Variants in PLCB4 observed in about 807,000 individuals in gnomAD.
PLCB4 encodes the protein phospholipase C beta 4.
Under a neutral mutation model 178.8 loss-of-function variants are expected in PLCB4, and 77 were observed. The ratio of observed to expected loss-of-function variants is 0.43; its 90% CI spans 0.36 to 0.52. PLCB4 has a LOEUF of 0.52. Ranked by LOEUF, PLCB4 falls within the 20% of genes least tolerant of loss-of-function variation. The probability of loss-of-function intolerance (pLI) is 0.00; values close to 1 mark genes in which losing one functional copy is unlikely to be tolerated. For missense variants in PLCB4, 1,024 were observed against 1,453.4 expected (o/e 0.70, Z 4.80); for synonymous variants, 496 against 490.8 (o/e 1.01, Z -0.14).
intron 3 of PLCB4, among the ~76,000 whole-genome samples, chr20:9,237,400 C>T (rs1341289078): frequency 6.6e-6 from 1 of 151,982 alleles, no homozygotes; most frequent in Non-Finnish European, 1.5e-5. Context: ...TAGATTAAAG[C>T]AGCAATGGCC....
At chr20:9,157,912 A>G (rs1377805655) in intron 2 of PLCB4, among the ~76,000 whole-genome samples, 1 of 152,200 alleles carries the variant, frequency 6.6e-6, no homozygotes, top group Non-Finnish European at 1.5e-5. Flanking sequence ...AGCCTGGGCA[A>G]CAGAGTGAGA....
intron 3 of PLCB4, among the ~76,000 whole-genome samples, chr20:9,220,110 C>G (rs1224374314): frequency 6.6e-6 from 1 of 152,004 alleles, no homozygotes; most frequent in Non-Finnish European, 1.5e-5. Flanking sequence ...GATGAATTAT[C>G]CTCACCCTTG....
At chr20:9,272,286 C>T (rs959536393) in intron 3 of PLCB4, among the ~76,000 whole-genome samples, 1 of 152,120 alleles carries the variant, frequency 6.6e-6, no homozygotes, top group Admixed American at 6.6e-5. Flanking sequence ...CAATGAGGTT[C>T]GCTGTATCAC....
rs556667687 is a variant in PLCB4, at chr20:9,144,712, G to C, written c.-79+48370G>C. Among the ~76,000 whole-genome samples the C allele has an allele frequency of 5.5e-3, 412 of 74,990 alleles. 2 individuals carry two copies. Among genetic ancestry groups the C allele is most frequent in the Middle Eastern group, 0.012 (2 of 170 alleles). The allele number at this position is 74,990 out of a possible 152,430, so 49.2% of individuals were successfully genotyped here. On this transcript the variant is annotated intron_variant, in intron 2 of 39. Coordinates refer to ENST00000378473, the MANE Select transcript of PLCB4 (RefSeq NM_001377142.1). The stretch of plus-strand genomic sequence containing the variant: ...GGGAGGAGGGGAAGGAGGGGAAGAA[G>C]GGGAAGAAGGGGAAGGAGGGGAAGG...
chr20:9,465,726 A>G (rs1468799871), intron 35 of PLCB4, among the ~76,000 whole-genome samples: 1 of 152,220 alleles, frequency 6.6e-6, no homozygotes, highest in Non-Finnish European at 1.5e-5. Flanking sequence ...CCAACTTACA[A>G]GAGATGTGAG....
intron 19 of PLCB4, among the ~76,000 whole-genome samples, chr20:9,399,833 A>G (rs1451734601): frequency 6.6e-6 from 1 of 152,228 alleles, no homozygotes; most frequent in Non-Finnish European, 1.5e-5. Context: ...TTAAATGAAA[A>G]TTTAATAGTG....
intron 4 of PLCB4, among the ~76,000 whole-genome samples, chr20:9,316,927 A>C (rs536633960): frequency 3.3e-5 from 5 of 152,294 alleles, no homozygotes; most frequent in Non-Finnish European, 7.4e-5. Context: ...TCCAAGCATG[A>C]GACCTTTAAG....
chr20:9,278,194 G>A (rs778610175), intron 3 of PLCB4, among the ~76,000 whole-genome samples: 3 of 152,030 alleles, frequency 2.0e-5, no homozygotes, highest in African/African-American at 4.8e-5. Context: ...GAGGTGGCTT[G>A]TGAACTGCAA....
At chr20:9,202,215 G>A (rs1339607349) in intron 2 of PLCB4, among the ~76,000 whole-genome samples, 7 of 152,124 alleles carry the variant, frequency 4.6e-5, no homozygotes, top group Non-Finnish European at 1.0e-4. Flanking sequence ...TGGTTGTGTG[G>A]GAGTGGGAAG....
intron 2 of PLCB4, among the ~76,000 whole-genome samples, chr20:9,144,915 T>A (rs1347181546): frequency 6.6e-6 from 1 of 152,110 alleles, no homozygotes; most frequent in Admixed American, 6.6e-5. Flanking sequence ...GTTAGGAGGA[T>A]GTTTAAAATC....
chr20:9,409,281 A>G, intron 24 of PLCB4, 100 bp downstream of exon 24: 1 of 917,728 alleles, frequency 1.1e-6, no homozygotes, highest in Non-Finnish European at 1.6e-6. Flanking sequence ...TTTTAAAGGA[A>G]GCAGACATAT....
chr20:9,320,672 G>A (rs2094949991), intron 4 of PLCB4, among the ~76,000 whole-genome samples: 1 of 152,162 alleles, frequency 6.6e-6, no homozygotes, highest in Non-Finnish European at 1.5e-5. Flanking sequence ...GCTTCCTTTT[G>A]CAGTTTACAA....
chr20:9,288,954 A>G (rs1487398511), intron 3 of PLCB4, among the ~76,000 whole-genome samples: 1 of 152,072 alleles, frequency 6.6e-6, no homozygotes, highest in Non-Finnish European at 1.5e-5. Context: ...AAGGTATAAC[A>G]TAGATGGCCA....
chr20:9,235,493 A>G (rs2093983467), intron 3 of PLCB4, among the ~76,000 whole-genome samples: 1 of 152,168 alleles, frequency 6.6e-6, no homozygotes, highest in South Asian at 2.1e-4. Context: ...TCTGTAGTGG[A>G]CAACAAACTA....
At chr20:9,427,486 CT>C (rs2041102871) in intron 28 of PLCB4, among the ~76,000 whole-genome samples, 1 of 152,270 alleles carries the variant, frequency 6.6e-6, no homozygotes, top group South Asian at 2.1e-4. Context: ...CTGTCTTTTA[CT>C]CCCTCTGTCA....
chr20:9,246,531 A>G (rs746683996), intron 3 of PLCB4, among the ~76,000 whole-genome samples: 68 of 152,250 alleles, frequency 4.5e-4, no homozygotes, highest in Non-Finnish European at 2.8e-4. Context: ...CTCCTGTGGT[A>G]ATGTTGTCTA....
At chr20:9,383,658 G>A (rs965723454) in intron 13 of PLCB4, among the ~76,000 whole-genome samples, 1 of 152,170 alleles carries the variant, frequency 6.6e-6, no homozygotes, top group Non-Finnish European at 1.5e-5. Flanking sequence ...ATTGAAAACT[G>A]AATTGTTTAA....
intron 10 of PLCB4, among the ~76,000 whole-genome samples, chr20:9,371,752 T>C (rs1421388131): frequency 1.3e-5 from 2 of 152,242 alleles, no homozygotes; most frequent in African/African-American, 4.8e-5. Context: ...CCGCACCATT[T>C]GTATTCATGG....
At chr20:9,348,632 CGTTTGTTT>C (rs199929335) in intron 7 of PLCB4, among the ~76,000 whole-genome samples, 6 of 151,800 alleles carry the variant, frequency 4.0e-5, no homozygotes, top group Non-Finnish European at 5.9e-5. Context: ...AAAAGGTCTA[CGTTTGTTT>C]GTTTGTTTGT....
Sources: gnomAD v4.1 joint callset for allele counts (sites outside exome capture counted in the v4.1 genomes callset) on GRCh38, gnomAD v4.1.1 for gene constraint, MANE v1.5 for transcripts, NCBI Gene and HGNC (gene_info 2026-07-23, HGNC 2026-07-21) for gene names.